Variants in DLGAP1 observed in about 807,000 individuals in gnomAD.
DLGAP1 encodes the protein DLG associated protein 1, also known as disks large-associated protein 1.
DLGAP1 carries 11 observed loss-of-function variants against 90.8 expected under a neutral mutation model. The ratio of observed to expected loss-of-function variants is 0.12; its 90% CI spans 0.08 to 0.20. The LOEUF (loss-of-function observed/expected upper bound fraction) is 0.20. DLGAP1 is among the 10% of genes least tolerant of loss of function. The pLI, the probability that DLGAP1 is intolerant of heterozygous loss-of-function variation, is 1.00. For missense variants in DLGAP1, 1,050 were observed against 1,333.8 expected, an observed-to-expected ratio of 0.79 and a Z score of 3.31; for synonymous variants, 558 against 540.7, an observed-to-expected ratio of 1.03 and a Z score of -0.44.
At chr18:3,830,282 T>C (rs919691642) in intron 4 of DLGAP1, among the ~76,000 whole-genome samples, 4 of 152,156 alleles carry the variant, frequency 2.6e-5, no homozygotes, top group African/African-American at 7.2e-5. Flanking sequence ...AAACAGGAAA[T>C]TGGCCAGGCG....
At chr18:3,511,061 A>G (rs549039958) in intron 10 of DLGAP1, among the ~76,000 whole-genome samples, 58 of 152,286 alleles carry the variant, frequency 3.8e-4, no homozygotes, top group African/African-American at 1.3e-3. Context: ...TTGCATGGAA[A>G]TTCCCTACTG....
At chr18:4,368,649 AC>A (rs1378875495) in intron 1 of DLGAP1, among the ~76,000 whole-genome samples, 2 of 147,604 alleles carry the variant, frequency 1.4e-5, no homozygotes, top group African/African-American at 5.1e-5. Flanking sequence ...ACACACACAC[AC>A]ACACACACAC....
intron 2 of DLGAP1, among the ~76,000 whole-genome samples, chr18:4,076,955 ATATGT>A (rs200225229): frequency 0.016 from 2,369 of 152,104 alleles, 58 homozygotes; most frequent in African/African-American, 0.054. Context: ...ATTTGTTATT[ATATGT>A]TAAGTACTTG....
At chr18:3,580,194 C>T (rs566543179) in intron 8 of DLGAP1, 7 of 1,517,806 alleles carry the variant, frequency 4.6e-6, no homozygotes, top group Middle Eastern at 1.7e-4. Context: ...AGCCAGACGT[C>T]CAAAGTCAAA....
chr18:4,247,415 G>A (rs111537180), intron 1 of DLGAP1, among the ~76,000 whole-genome samples: 4,392 of 152,244 alleles, frequency 0.029, 195 homozygotes, highest in African/African-American at 0.093. Context: ...TTCAGCTTCC[G>A]TGGTTTTCAT....
chr18:4,066,786 G>A (rs1220639381), intron 2 of DLGAP1, among the ~76,000 whole-genome samples: 1 of 151,920 alleles, frequency 6.6e-6, no homozygotes, highest in Non-Finnish European at 1.5e-5. Flanking sequence ...AATGACCTAA[G>A]GACAGAAATG....
intron 2 of DLGAP1, among the ~76,000 whole-genome samples, chr18:4,020,103 G>A (rs767396074): frequency 7.2e-5 from 11 of 152,128 alleles, no homozygotes; most frequent in Non-Finnish European, 1.0e-4. Flanking sequence ...AGGTTTTATC[G>A]TGCAGATGAA....
chr18:3,506,000 G>A (rs2050192622), intron 11 of DLGAP1, among the ~76,000 whole-genome samples: 1 of 152,186 alleles, frequency 6.6e-6, no homozygotes, highest in Non-Finnish European at 1.5e-5. Flanking sequence ...ACTTTGGGAG[G>A]CCGAGGAGGG....
intron 3 of DLGAP1, among the ~76,000 whole-genome samples, chr18:3,954,400 TA>T (rs2073045891): frequency 6.6e-6 from 1 of 152,258 alleles, no homozygotes; most frequent in African/African-American, 2.4e-5. Context: ...GATCTTATTT[TA>T]ATTGACACAT....
At chr18:4,293,139 A>C (rs1006181437) in intron 1 of DLGAP1, 3 of 152,242 alleles carry the variant, frequency 2.0e-5, no homozygotes, top group Admixed American at 6.5e-5. Flanking sequence ...TGACCACAGA[A>C]ATGTCTACCT....
chr18:4,026,310 G>A (rs2074698213), intron 2 of DLGAP1, among the ~76,000 whole-genome samples: 1 of 152,196 alleles, frequency 6.6e-6, no homozygotes, highest in Non-Finnish European at 1.5e-5. Context: ...TTTTCAGTGT[G>A]AGATATCCAT....
intron 1 of DLGAP1, among the ~76,000 whole-genome samples, chr18:4,229,262 C>A (rs1464860404): frequency 6.6e-6 from 1 of 151,944 alleles, no homozygotes; most frequent in Non-Finnish European, 1.5e-5. Flanking sequence ...TTACAACAAT[C>A]TACAGATGGA....
At chr18:3,773,499 T>C (rs1414857061) in intron 5 of DLGAP1, among the ~76,000 whole-genome samples, 14 of 152,230 alleles carry the variant, frequency 9.2e-5, no homozygotes, top group Non-Finnish European at 8.8e-5. Flanking sequence ...TAATAGTTTA[T>C]TGTTATTCAT....
At chr18:4,357,508 G>A (rs568709311) in intron 1 of DLGAP1, among the ~76,000 whole-genome samples, 4 of 152,268 alleles carry the variant, frequency 2.6e-5, no homozygotes, top group African/African-American at 9.6e-5. Flanking sequence ...TATTCTCAGT[G>A]TCTAAATCTT....
rs147614859 is a variant in DLGAP1 at position 3,921,751 on chromosome 18, T to G, written c.-72-41611A>C. Among the ~76,000 whole-genome samples the G allele has an allele frequency of 2.3e-3, 357 of 152,320 alleles. 4 individuals are homozygous for G. Among genetic ancestry groups the G allele is most frequent in the African/African-American group, 8.0e-3 (332 of 41,572 alleles). ...TCATAGAGCCAACTATTTCCTCATCTAGTTTCTGAGCTCTGCTATGGAGGT... is the reference window on the plus strand; with the variant it reads ...TCATAGAGCCAACTATTTCCTCATCGAGTTTCTGAGCTCTGCTATGGAGGT... On this transcript the variant is annotated intron_variant, in intron 3 of 12. Transcript: ENST00000315677.
chr18:3,692,368 A>G (rs184034063), intron 7 of DLGAP1, among the ~76,000 whole-genome samples: 23 of 152,346 alleles, frequency 1.5e-4, no homozygotes, highest in Admixed American at 1.0e-3. Flanking sequence ...TTATGAGTCA[A>G]TTATAAAGTT....
intron 1 of DLGAP1, chr18:4,293,039 T>C (rs9945329): frequency 0.25 from 37,300 of 152,086 alleles, 4,740 homozygotes; most frequent in Non-Finnish European, 0.26. Flanking sequence ...CGCACAGTGT[T>C]CCAAAGAACA....
At chr18:4,405,406 T>C (rs762046465) in intron 1 of DLGAP1, among the ~76,000 whole-genome samples, 3 of 152,028 alleles carry the variant, frequency 2.0e-5, no homozygotes, top group Non-Finnish European at 4.4e-5. Context: ...TCATAATTAA[T>C]TGCAAGTGAA....
At chr18:4,201,297 T>C (rs1568447851) in intron 1 of DLGAP1, among the ~76,000 whole-genome samples, 1 of 152,154 alleles carries the variant, frequency 6.6e-6, no homozygotes, top group Non-Finnish European at 1.5e-5. Context: ...GTTAGTTTTG[T>C]ATATGTTGAG....
Sources: gnomAD v4.1 joint callset for allele counts (sites outside exome capture counted in the v4.1 genomes callset) on GRCh38, gnomAD v4.1.1 for gene constraint, MANE v1.5 for transcripts, NCBI Gene and HGNC (gene_info 2026-07-23, HGNC 2026-07-21) for gene names.